The following MUSK variants were observed in gnomAD, a reference collection of about 807,000 sequenced individuals.
MUSK encodes muscle, skeletal receptor tyrosine-protein kinase.
In MUSK, 55 loss-of-function variants were observed where a neutral mutation model predicts 88.7. That is an observed-to-expected ratio of 0.62 (90% CI 0.50 to 0.78). The LOEUF (loss-of-function observed/expected upper bound fraction) is 0.78, where lower values mean the gene tolerates loss of function less well. Ranked by LOEUF, MUSK falls within the 30% of genes least tolerant of loss-of-function variation. MUSK has a pLI of 0.00. For synonymous variants in MUSK, 387 were observed against 391.9 expected (o/e 0.99, Z 0.15); for missense variants, 1,015 against 1,074.3 (o/e 0.94, Z 0.77).
At position 110,775,824 on chromosome 9, in the gene MUSK, A is replaced by T; in HGVS notation, c.1221A>T (p.Ala407=). Residue 407 remains alanine, a synonymous_variant, in exon 10 of 15, where the codon GCA becomes GCT. Coordinates refer to ENST00000374448, the MANE Select transcript of MUSK (RefSeq NM_005592.4). ...TGGCAGTAAAGGAGCTCTTCTGCGCAAAAGAATGGCTGGTAATGGAAGAGA... is the reference window on the plus strand; with the variant it reads ...TGGCAGTAAAGGAGCTCTTCTGCGCTAAAGAATGGCTGGTAATGGAAGAGA... The part of the protein sequence containing the change: ...YCLAVKELFC[A]KEWLVMEEKT... 6.2e-7 allele frequency: 1 copy of T among 1,613,942 alleles called. No homozygotes were observed. Among genetic ancestry groups the T allele is most frequent in the East Asian group, 2.2e-5 (1 of 44,880 alleles).
rs2078090601 is a variant in MUSK at position 110,801,027 on chromosome 9, C to T, written c.*39C>T. ...CAAATAAAATGCTGCAGTTTCCTCT[C>T]AGACTCTGTGAGCCAGGGGAATCCT... On this transcript the variant is annotated 3_prime_UTR_variant, in exon 15 of 15. Coordinates refer to ENST00000374448, the MANE Select transcript of MUSK (RefSeq NM_005592.4). The T allele has an allele frequency of 6.8e-7, 1 of 1,466,340 alleles. No homozygotes were observed. The highest frequency in any genetic ancestry group is 1.5e-5 in the South Asian group (1 of 67,538). The allele number at this position is 1,466,340 out of a possible 1,614,324, so 90.8% of individuals were successfully genotyped here. A position where few individuals can be genotyped will look rare whatever the true frequency, so the allele number is the denominator to read the frequency against.
At chr9:110,770,673 A>G (rs2077560430) in intron 9 of MUSK, among the ~76,000 whole-genome samples, 1 of 151,346 alleles carries the variant, frequency 6.6e-6, no homozygotes, top group Non-Finnish European at 1.5e-5. Flanking sequence ...ATTCTCATTT[A>G]GGAGTATGGT....
chr9:110,776,818 G>C (rs534908269), intron 11 of MUSK, among the ~76,000 whole-genome samples, 163 bp downstream of exon 11: 1 of 152,222 alleles, frequency 6.6e-6, no homozygotes, highest in Admixed American at 6.5e-5. Flanking sequence ...GAAAATCATG[G>C]AAGGTCTCAG....
rs1168716499 is a variant in MUSK, at chr9:110,761,567, C to CTTT, written c.914-611_914-609dup. Among the ~76,000 whole-genome samples, 59 of 52,738 alleles carry CTTT rather than the reference C, an allele frequency of 1.1e-3. 22 individuals are homozygous for CTTT. The highest frequency in any genetic ancestry group is 1.7e-3 in the South Asian group (2 of 1,196). The allele number at this position is 52,738 out of a possible 152,430, so 34.6% of individuals were successfully genotyped here. A position where few individuals can be genotyped will look rare whatever the true frequency, so the allele number is the denominator to read the frequency against. ...CTTCTCTGTTAACCTCCACATCTTG[C>CTTT]TTTTTTTTTTTTTTTTTTTTTTTTT... is the stretch of plus-strand genomic sequence containing the variant. On this transcript the variant is annotated intron_variant, in intron 7 of 14. Coordinates refer to ENST00000374448, the MANE Select transcript of MUSK (RefSeq NM_005592.4).
intron 5 of MUSK, among the ~76,000 whole-genome samples, chr9:110,731,272 A>G (rs1587966645): frequency 1.3e-5 from 2 of 152,228 alleles, no homozygotes; most frequent in East Asian, 3.9e-4. Flanking sequence ...GAGAGGAGAG[A>G]CTGACAAAAA....
intron 7 of MUSK, among the ~76,000 whole-genome samples, chr9:110,758,269 T>G (rs554211583): frequency 1.4e-4 from 21 of 152,308 alleles, no homozygotes; most frequent in African/African-American, 4.6e-4. Context: ...TGGCCCTAAT[T>G]GATAAAGTTT....
At chr9:110,689,345 T>A (rs1247705499) in intron 3 of MUSK, among the ~76,000 whole-genome samples, 1 of 117,882 alleles carries the variant, frequency 8.5e-6, no homozygotes, top group African/African-American at 3.5e-5. Context: ...AATATAAATA[T>A]ATAAATATAT....
chr9:110,699,308 T>C (rs917359541), intron 5 of MUSK, among the ~76,000 whole-genome samples: 1 of 152,196 alleles, frequency 6.6e-6, no homozygotes, highest in Non-Finnish European at 1.5e-5. Context: ...TTAAAGTTAT[T>C]CTAACTGTAG....
At chr9:110,676,241 T>C (rs951886746) in intron 1 of MUSK, among the ~76,000 whole-genome samples, 7 of 151,464 alleles carry the variant, frequency 4.6e-5, no homozygotes, top group Non-Finnish European at 1.0e-4. Flanking sequence ...AAGGGATAAG[T>C]GCTCTTAGCA....
At chr9:110,697,642 A>G (rs2076450376) in intron 5 of MUSK, among the ~76,000 whole-genome samples, 176 bp downstream of exon 5, 1 of 152,222 alleles carries the variant, frequency 6.6e-6, no homozygotes, top group Admixed American at 6.5e-5. Flanking sequence ...CTGAAAAAAG[A>G]AAGAAATTTT....
chr9:110,803,169 G>A lies in MUSK; in HGVS notation c.*2181G>A, dbSNP rs1035461197. Among the ~76,000 whole-genome samples, 2 of 152,112 alleles carry A rather than the reference G, an allele frequency of 1.3e-5. No homozygotes were observed. The highest frequency in any genetic ancestry group is 4.8e-5 in the African/African-American group (2 of 41,418). On this transcript the variant is annotated 3_prime_UTR_variant, in exon 15 of 15. Transcript: ENST00000374448. ...CAGGCTGACAGAAAATAGAGTAACA[G>A]TAATCATAAAAATTATAATATCAGC...
chr9:110,788,007 A>G (rs1009036005), intron 14 of MUSK, 169 bp downstream of exon 14: 12 of 685,106 alleles, frequency 1.8e-5, no homozygotes, highest in South Asian at 8.6e-5. Context: ...TAGGACATTC[A>G]TGGCTTAATG....
At chr9:110,750,350 C>G (rs144935921) in intron 7 of MUSK, among the ~76,000 whole-genome samples, 12 of 152,136 alleles carry the variant, frequency 7.9e-5, no homozygotes, top group African/African-American at 2.4e-4. Flanking sequence ...GGACACCCCC[C>G]ACACCACTGC....
intron 14 of MUSK, among the ~76,000 whole-genome samples, chr9:110,798,813 A>C (rs1001988931): frequency 5.9e-5 from 9 of 152,140 alleles, no homozygotes; most frequent in Non-Finnish European, 1.5e-5. Flanking sequence ...TATAATTGTA[A>C]ATTATATCTA....
intron 11 of MUSK, among the ~76,000 whole-genome samples, chr9:110,783,918 C>T (rs1200185389): frequency 6.6e-6 from 1 of 151,814 alleles, no homozygotes; most frequent in Non-Finnish European, 1.5e-5. Flanking sequence ...AGTTTTTGAT[C>T]AAAAAGTCAT....
intron 5 of MUSK, among the ~76,000 whole-genome samples, chr9:110,715,375 C>G (rs1337765764): frequency 6.7e-6 from 1 of 149,398 alleles, no homozygotes; most frequent in Non-Finnish European, 1.5e-5. Flanking sequence ...AGAAGTTGAA[C>G]AGCAACTCAG....
chr9:110,693,841 T>G (rs1019771272), intron 3 of MUSK, among the ~76,000 whole-genome samples: 13 of 152,120 alleles, frequency 8.5e-5, no homozygotes, highest in East Asian at 1.9e-4. Context: ...TTTATTTGAC[T>G]GTCATAGGAA....
chr9:110,705,413 A>G (rs1186371163), intron 5 of MUSK, among the ~76,000 whole-genome samples: 4 of 152,198 alleles, frequency 2.6e-5, no homozygotes, highest in South Asian at 2.1e-4. Flanking sequence ...CTTGAGACCT[A>G]CAAGAGGAAG....
At position 110,800,786 on chromosome 9, in the gene MUSK, A is replaced by G. The variant is rs376837791; in HGVS notation, c.2408A>G (p.Tyr803Cys). The change falls in exon 15 of 15, where the codon TAC (tyrosine) becomes TGC (cysteine). Residue 803 changes from tyrosine to cysteine, a missense_variant. Coordinates refer to ENST00000374448, the MANE Select transcript of MUSK (RefSeq NM_005592.4). The part of the protein sequence containing the change: ...WEIFSYGLQP[Y>C]YGMAHEEVIY... ...ATCTTCTCCTATGGCCTGCAGCCCT[A>G]CTATGGGATGGCCCATGAGGAGGTC... The G allele has an allele frequency of 5.0e-6, 8 of 1,613,878 alleles. No homozygotes were observed. Among genetic ancestry groups the G allele is most frequent in the Admixed American group, 1.7e-5 (1 of 60,012 alleles).
Sources: allele counts gnomAD v4.1 joint callset (sites outside exome capture counted in the v4.1 genomes callset), GRCh38; gene constraint gnomAD v4.1.1; transcripts MANE v1.5; gene names NCBI Gene and HGNC (gene_info 2026-07-23, HGNC 2026-07-21).